Variants in TENM3 observed in about 807,000 individuals in gnomAD.
TENM3 encodes teneurin-3.
A neutral mutation model predicts 255.1 loss-of-function variants in TENM3; 63 were observed. The ratio of observed to expected loss-of-function variants is 0.25; its 90% CI spans 0.20 to 0.30. The LOEUF (loss-of-function observed/expected upper bound fraction) is 0.30, where lower values mean the gene tolerates loss of function less well. Among genes scored for constraint, TENM3 ranks in the 10% least tolerant of loss-of-function variants. The pLI is 1.00. For missense variants in TENM3, 2,929 were observed against 3,461.1 expected (o/e 0.85, Z 3.86); for synonymous variants, 1,306 against 1,322.3 (o/e 0.99, Z 0.27).
chr4:181,857,805 T>TA, the TENM3 span, among the ~76,000 whole-genome samples: 14 of 152,038 alleles, frequency 9.2e-5, no homozygotes, highest in South Asian at 2.7e-3. Flanking sequence ...TATGCAGGTG[T>TA]AATGGGGAAG....
chr4:182,770,977 A>G (rs1224407173), intron 22 of TENM3, among the ~76,000 whole-genome samples: 1 of 152,196 alleles, frequency 6.6e-6, no homozygotes, highest in Non-Finnish European at 1.5e-5. Context: ...CTGGGCCGCT[A>G]GGATCCCAGC....
the TENM3 span, among the ~76,000 whole-genome samples, chr4:181,541,261 T>C: frequency 1.3e-5 from 2 of 152,086 alleles, no homozygotes; most frequent in Non-Finnish European, 2.9e-5. Context: ...CATGCACTTG[T>C]ATTCCTGGGT....
intron 3 of TENM3, among the ~76,000 whole-genome samples, chr4:182,523,948 C>T (rs1036577578): frequency 6.6e-6 from 1 of 152,068 alleles, no homozygotes; most frequent in African/African-American, 2.4e-5. Flanking sequence ...TCATATGTAT[C>T]ATAACATACT....
the TENM3 span, among the ~76,000 whole-genome samples, chr4:181,476,069 C>A: frequency 6.6e-6 from 1 of 152,148 alleles, no homozygotes; most frequent in Non-Finnish European, 1.5e-5. Context: ...ATATTCACAG[C>A]AGTAGGTGCA....
rs76822371 is a variant in TENM3 at position 182,286,001 on chromosome 4, G to A, written c.-75-37945G>A. Among the ~76,000 whole-genome samples, 544 of 152,220 alleles carry A rather than the reference G, an allele frequency of 3.6e-3. 6 individuals carry two copies. The highest frequency in any genetic ancestry group is 0.012 in the African/African-American group (508 of 41,558). ...GCTACTTCCCAGGGCTTTGCTGGGC[G>A]TCCCCACAGCACAGTCTCCTGATAC... On this transcript the variant is annotated intron_variant, in intron 1 of 27. Coordinates refer to ENST00000511685, the MANE Select transcript of TENM3 (RefSeq NM_001080477.4).
chr4:181,936,220 C>T, the TENM3 span, among the ~76,000 whole-genome samples: 5 of 151,884 alleles, frequency 3.3e-5, no homozygotes, highest in African/African-American at 7.3e-5. Flanking sequence ...GGTGAAACCC[C>T]GTCTCTACTA....
At chr4:182,781,614 G>C (rs1765173432) in intron 24 of TENM3, among the ~76,000 whole-genome samples, 2 of 151,584 alleles carry the variant, frequency 1.3e-5, no homozygotes, top group African/African-American at 4.8e-5. Flanking sequence ...GATTGGAATA[G>C]TTTCAGAAGG....
the TENM3 span, among the ~76,000 whole-genome samples, chr4:181,551,347 A>T: frequency 1.3e-5 from 2 of 152,194 alleles, no homozygotes; most frequent in Non-Finnish European, 2.9e-5. Flanking sequence ...AAATAAATGC[A>T]CAATTTGAGG....
the TENM3 span, among the ~76,000 whole-genome samples, chr4:181,564,326 C>T: frequency 1.3e-5 from 2 of 152,092 alleles, no homozygotes; most frequent in African/African-American, 2.4e-5. Context: ...ACTAAACACA[C>T]GACTAACTTA....
the TENM3 span, among the ~76,000 whole-genome samples, chr4:181,526,267 T>TA: frequency 1.2e-4 from 16 of 132,870 alleles, no homozygotes; most frequent in Non-Finnish European, 2.3e-4. Flanking sequence ...AGAATCCAAA[T>TA]TAAAAAAAAA....
chr4:181,626,740 T>G, the TENM3 span, among the ~76,000 whole-genome samples: 1 of 152,134 alleles, frequency 6.6e-6, no homozygotes, highest in East Asian at 1.9e-4. Flanking sequence ...CATTTCAACA[T>G]GGGATTTGAA....
chr4:181,516,653 G>C, the TENM3 span, among the ~76,000 whole-genome samples: 1 of 152,036 alleles, frequency 6.6e-6, no homozygotes, highest in Non-Finnish European at 1.5e-5. Context: ...GCACATGCCT[G>C]TTATCCCAGC....
At chr4:182,267,232 C>T (rs1333849360) in intron 1 of TENM3, among the ~76,000 whole-genome samples, 2 of 152,058 alleles carry the variant, frequency 1.3e-5, no homozygotes, top group Non-Finnish European at 2.9e-5. Flanking sequence ...GAGTGTATGC[C>T]TATGAACAAA....
chr4:182,587,575 C>T (rs899221845), intron 3 of TENM3, among the ~76,000 whole-genome samples: 3 of 151,994 alleles, frequency 2.0e-5, no homozygotes, highest in Non-Finnish European at 2.9e-5. Context: ...GAGACTTCGC[C>T]TCAAAAAAAT....
the TENM3 span, among the ~76,000 whole-genome samples, chr4:181,553,503 G>A: frequency 4.0e-5 from 6 of 151,814 alleles, no homozygotes; most frequent in African/African-American, 7.3e-5. Context: ...GTGCAGGGGC[G>A]CGATCTCGGC....
the TENM3 span, among the ~76,000 whole-genome samples, chr4:181,661,766 G>A: frequency 6.6e-6 from 1 of 152,036 alleles, no homozygotes; most frequent in African/African-American, 2.4e-5. Context: ...TTAATGAAAG[G>A]AGACACTTTC....
At chr4:182,205,673 G>C (rs997590090) in intron 1 of TENM3, among the ~76,000 whole-genome samples, 2 of 152,262 alleles carry the variant, frequency 1.3e-5, no homozygotes, top group East Asian at 3.8e-4. Flanking sequence ...TCGTTTTCCA[G>C]TAGACAACTC....
chr4:181,846,803 G>C, the TENM3 span, among the ~76,000 whole-genome samples: 5 of 152,256 alleles, frequency 3.3e-5, no homozygotes, highest in South Asian at 2.1e-4. Context: ...CGTGCATTTG[G>C]AGCCCAGGAA....
the TENM3 span, among the ~76,000 whole-genome samples, chr4:181,833,462 G>C: frequency 6.6e-6 from 1 of 152,162 alleles, no homozygotes; most frequent in African/African-American, 2.4e-5. Context: ...CAGGGGGGCA[G>C]GGGAGCATGT....
Sources: gnomAD v4.1 joint callset for allele counts (sites outside exome capture counted in the v4.1 genomes callset) on GRCh38, gnomAD v4.1.1 for gene constraint, MANE v1.5 for transcripts, NCBI Gene and HGNC (gene_info 2026-07-23, HGNC 2026-07-21) for gene names.